PPP2R2C: variants seen among roughly 807,000 people sequenced by gnomAD.
PPP2R2C encodes the protein protein phosphatase 2, regulatory subunit B, gamma.
A neutral mutation model predicts 45.3 loss-of-function variants in PPP2R2C; 10 were observed. The observed-to-expected ratio is 0.22, with a 90% CI of 0.14 to 0.37. PPP2R2C has a LOEUF of 0.37. PPP2R2C is among the 10% of genes least tolerant of loss of function. The pLI, the probability that PPP2R2C is intolerant of heterozygous loss-of-function variation, is 1.00. For missense variants in PPP2R2C, 308 were observed against 619.7 expected, an observed-to-expected ratio of 0.50 and a Z score of 5.34; for synonymous variants, 257 against 245.4, an observed-to-expected ratio of 1.05 and a Z score of -0.44.
At chr4:6,477,584 G>T (rs564104078), upstream of PPP2R2C, among the ~76,000 whole-genome samples, 1 of 152,064 alleles carries the variant, frequency 6.6e-6, no homozygotes, top group Admixed American at 6.5e-5. Context: ...AAATTAGCCG[G>T]GCATGGTGGT....
chr4:6,525,185 A>T (rs930208533), intron 2 of PPP2R2C, among the ~76,000 whole-genome samples: 2 of 152,198 alleles, frequency 1.3e-5, no homozygotes, highest in Non-Finnish European at 2.9e-5. Flanking sequence ...TGGTTGGATC[A>T]TCTGAGGTCA....
rs759487914 is a variant in PPP2R2C at position 6,368,769 on chromosome 4, G to A, written c.625+3754C>T. Among the ~76,000 whole-genome samples, 4 of 152,032 alleles carry A rather than the reference G, an allele frequency of 2.6e-5. No homozygotes were observed. The highest frequency in any genetic ancestry group is 2.1e-4 in the South Asian group (1 of 4,802). On this transcript the variant is annotated intron_variant, in intron 5 of 8. Coordinates refer to ENST00000382599, the MANE Select transcript of PPP2R2C (RefSeq NM_020416.4). This position sits in a 1 kb window ranked among gnomAD's most constrained non-coding sequence, Gnocchi z 4.2. The stretch of plus-strand genomic sequence containing the variant: ...GCCCTGCCTCTCACTCTCTCTCCCC[G>A]GGTCTCCTTGCTGGTTCCCAAGCCG...
intron 1 of PPP2R2C, among the ~76,000 whole-genome samples, chr4:6,442,626 G>C (rs1265571017): frequency 6.6e-6 from 1 of 152,182 alleles, no homozygotes; most frequent in African/African-American, 2.4e-5. Flanking sequence ...AGCACTTCCT[G>C]CGTACCAGGC....
intron 1 of PPP2R2C, among the ~76,000 whole-genome samples, chr4:6,410,591 T>G (rs1437299672): frequency 3.9e-5 from 6 of 152,056 alleles, no homozygotes; most frequent in Non-Finnish European, 7.4e-5. Context: ...AGCAGAAATG[T>G]GTCTGGTGTG....
intron 1 of PPP2R2C, among the ~76,000 whole-genome samples, chr4:6,403,018 C>A (rs1717528709): frequency 6.6e-6 from 1 of 152,218 alleles, no homozygotes; most frequent in Non-Finnish European, 1.5e-5. Context: ...CTTCAAAGAT[C>A]AGCTAGTAAG....
At position 6,356,267 on chromosome 4, in the gene PPP2R2C, C is replaced by A. The variant is rs529998753; in HGVS notation, c.626-8257G>T. On this transcript the variant is annotated intron_variant, in intron 5 of 8. Coordinates refer to ENST00000382599, the MANE Select transcript of PPP2R2C (RefSeq NM_020416.4). ...TAGTACCTGTCGCAGCTAACACGTG[C>A]GGCCGGCTGGCTGGGTGGGACTAGC... Among the ~76,000 whole-genome samples, 13 of 152,320 alleles carry A rather than the reference C, an allele frequency of 8.5e-5. No homozygotes were observed. In the East Asian group the frequency reaches 2.3e-3, roughly 27 times the overall value.
chr4:6,365,292 G>A (rs1714192528), intron 5 of PPP2R2C, among the ~76,000 whole-genome samples: 1 of 152,240 alleles, frequency 6.6e-6, no homozygotes, highest in African/African-American at 2.4e-5. Flanking sequence ...TCAGTGGTAT[G>A]TATCTGACAT....
At chr4:6,383,041 C>G (rs564757349) in intron 1 of PPP2R2C, 2 of 1,082,612 alleles carry the variant, frequency 1.8e-6, no homozygotes, top group East Asian at 8.6e-5. Context: ...CTCTGCCCCC[C>G]ACCTTGATTC....
upstream of PPP2R2C, among the ~76,000 whole-genome samples, chr4:6,472,635 C>G (rs974728249): frequency 1.0e-4 from 15 of 147,428 alleles, no homozygotes; most frequent in Non-Finnish European, 2.3e-4. Flanking sequence ...GGGCCGCCGC[C>G]GCCGCCGCTG....
intron 1 of PPP2R2C, among the ~76,000 whole-genome samples, chr4:6,449,102 G>T (rs1291177383): frequency 6.6e-6 from 1 of 152,094 alleles, no homozygotes; most frequent in East Asian, 1.9e-4. Flanking sequence ...CCCCACGCAG[G>T]CATCACACAC....
chr4:6,477,392 C>T (rs1722199407), upstream of PPP2R2C, among the ~76,000 whole-genome samples: 1 of 152,172 alleles, frequency 6.6e-6, no homozygotes, highest in Admixed American at 6.5e-5. Context: ...CATTTTGATT[C>T]TAGCCATTCA....
chr4:6,383,269 C>T, intron 1 of PPP2R2C: 1 of 1,234,682 alleles, frequency 8.1e-7, no homozygotes, highest in Non-Finnish European at 1.0e-6. Flanking sequence ...CAGCCTCCAG[C>T]AGGGCCCCAC....
intron 2 of PPP2R2C, among the ~76,000 whole-genome samples, chr4:6,484,430 C>T (rs937046806): frequency 5.9e-5 from 9 of 151,700 alleles, no homozygotes; most frequent in Middle Eastern, 6.8e-3. Context: ...CCTCCAACTT[C>T]GTTCTTCTAT....
At chr4:6,355,589 C>G (rs1713097464) in intron 5 of PPP2R2C, among the ~76,000 whole-genome samples, 1 of 151,364 alleles carries the variant, frequency 6.6e-6, no homozygotes, top group African/African-American at 2.4e-5. Flanking sequence ...AAGGAGGCCC[C>G]AGGGTGTGAG....
intron 1 of PPP2R2C, among the ~76,000 whole-genome samples, chr4:6,405,352 C>T (rs1002106361): frequency 2.0e-5 from 3 of 152,200 alleles, no homozygotes; most frequent in African/African-American, 7.2e-5. Context: ...GCTCAGTGCC[C>T]TAAACCGGCT....
At chr4:6,404,974 A>G (rs1361733883) in intron 1 of PPP2R2C, among the ~76,000 whole-genome samples, 2 of 152,236 alleles carry the variant, frequency 1.3e-5, no homozygotes, top group Non-Finnish European at 2.9e-5. Context: ...CAGCAAAATA[A>G]GAACCATGGA....
In PPP2R2C at chr4:6,358,285, G is replaced by A. The variant is rs141345915; in HGVS notation, c.626-10275C>T. ...TGCTGGGAAAACCAGCTAGCCATAT[G>A]TAGAAAGCTGAAACTGGATCCCTCC... On this transcript the variant is annotated intron_variant, in intron 5 of 8. Coordinates refer to ENST00000382599, the MANE Select transcript of PPP2R2C (RefSeq NM_020416.4). 6.2e-3 allele frequency among the ~76,000 whole-genome samples: 945 copies of A among 152,336 alleles called. 6 individuals carry two copies. The highest frequency in any genetic ancestry group is 0.051 in the Middle Eastern group (15 of 292).
At chr4:6,422,438 G>C (rs892196104) in intron 1 of PPP2R2C, among the ~76,000 whole-genome samples, 8 of 152,224 alleles carry the variant, frequency 5.3e-5, no homozygotes, top group South Asian at 2.1e-4. Flanking sequence ...TTTGCTGCTA[G>C]AGAGAGCTTG....
At chr4:6,340,889 C>T (rs529699384) in intron 6 of PPP2R2C, among the ~76,000 whole-genome samples, 3 of 152,388 alleles carry the variant, frequency 2.0e-5, no homozygotes, top group East Asian at 3.9e-4. Context: ...CCTCTGTATC[C>T]AGCCACAGGG....
Sources: allele counts gnomAD v4.1 joint callset (sites outside exome capture counted in the v4.1 genomes callset), GRCh38; gene constraint gnomAD v4.1.1; non-coding constraint Gnocchi (gnomAD v3.1); transcripts MANE v1.5; gene names NCBI Gene and HGNC (gene_info 2026-07-23, HGNC 2026-07-21).